Variants in NOL10 observed in about 807,000 individuals in gnomAD.
NOL10 encodes the protein H_NH0074G24.1.
NOL10 carries 58 observed loss-of-function variants against 103.5 expected under a neutral mutation model. The observed-to-expected ratio is 0.56, with a 90% confidence interval of 0.45 to 0.70. NOL10 has a LOEUF of 0.70. NOL10 is among the 30% of genes least tolerant of loss of function. NOL10 has a pLI of 0.00. For synonymous variants in NOL10, 287 were observed against 282.5 expected (o/e 1.02, Z -0.16); for missense variants, 763 against 807.3 (o/e 0.95, Z 0.67).
At chr2:10,616,598 GA>G (rs1676848819) in intron 13 of NOL10, among the ~76,000 whole-genome samples, 1 of 151,282 alleles carries the variant, frequency 6.6e-6, no homozygotes. Context: ...ACCCAGACTA[GA>G]GTGCAGTGGT....
intron 17 of NOL10, among the ~76,000 whole-genome samples, chr2:10,598,928 T>C (rs909081894): frequency 6.6e-6 from 1 of 152,372 alleles, no homozygotes; most frequent in Middle Eastern, 3.4e-3. Context: ...TTGTCAAAAA[T>C]GTTTAAAGGC....
intron 13 of NOL10, among the ~76,000 whole-genome samples, chr2:10,622,765 A>G (rs1282146085): frequency 6.6e-6 from 1 of 152,154 alleles, no homozygotes. Flanking sequence ...CTAACTCATA[A>G]CCTTTGACCT....
intron 13 of NOL10, among the ~76,000 whole-genome samples, chr2:10,643,998 C>T (rs1678889563): frequency 6.6e-6 from 1 of 152,114 alleles, no homozygotes; most frequent in East Asian, 1.9e-4. Flanking sequence ...ACCTGTAATC[C>T]CAGCACTTTG....
rs1055810491 is a variant in NOL10, at chr2:10,682,602, G to T, written c.113-533C>A. On this transcript the variant is annotated intron_variant, in intron 2 of 20. Coordinates refer to ENST00000381685, the MANE Select transcript of NOL10 (RefSeq NM_024894.4). ...TTTTGTAGAGATGGGGTTTCGCCAC[G>T]TTGCCCAGGCTGGTCTCAAACTTCT... 3.6e-4 allele frequency among the ~76,000 whole-genome samples: 54 copies of T among 151,812 alleles called. 1 individual carries two copies. The highest frequency in any genetic ancestry group is 1.3e-3 in the African/African-American group (53 of 41,310).
chr2:10,618,369 G>T (rs1269988743), intron 13 of NOL10, among the ~76,000 whole-genome samples: 1 of 152,094 alleles, frequency 6.6e-6, no homozygotes, highest in Non-Finnish European at 1.5e-5. Context: ...CTCTTAGAAA[G>T]AGCCCTGATT....
At position 10,654,527 on chromosome 2, in the gene NOL10, C is replaced by T. The variant is rs1172973828; in HGVS notation, c.927G>A (p.Leu309=). 6.3e-7 allele frequency: 1 copy of T among 1,597,422 alleles called. No homozygotes were observed. Among genetic ancestry groups the T allele is most frequent in the Non-Finnish European group, 8.5e-7 (1 of 1,175,258 alleles). Residue 309 remains leucine (L), a synonymous_variant, in exon 12 of 21, where the codon TTG becomes TTA. Transcript: ENST00000381685. ...NKNSGKIFTS[L]EPEHDLNDVC... is the part of the protein sequence containing the mutation. ...CATCATTAAGGTCATGCTCTGGCTC[C>T]AAGGAAGTAAATATTTTTCCCTAAA...
At chr2:10,677,322 C>T (rs1407153903) in intron 3 of NOL10, among the ~76,000 whole-genome samples, 1 of 151,840 alleles carries the variant, frequency 6.6e-6, no homozygotes, top group African/African-American at 2.4e-5. Flanking sequence ...ATTTCGGAGA[C>T]TTTCATATTT....
At chr2:10,650,950 G>A (rs1195710823) in intron 12 of NOL10, among the ~76,000 whole-genome samples, 2 of 152,048 alleles carry the variant, frequency 1.3e-5, no homozygotes, top group East Asian at 1.9e-4. Flanking sequence ...CGTCAGTGGT[G>A]GCATTTCAAG....
Position 10,657,655 on chromosome 2 carries a change from C to A in NOL10, c.906+87G>T. The A allele has an allele frequency of 3.4e-6, 4 of 1,166,322 alleles. No individual in the cohort carries two copies. In the South Asian group the frequency reaches 6.9e-5, roughly 20 times the overall value. The allele number at this position is 1,166,322 out of a possible 1,614,324, so 72.2% of individuals were successfully genotyped here. The stretch of plus-strand genomic sequence containing the variant: ...ATATTCAGTATCTCTTTCCCAATAA[C>A]CCACATAAAAAAGGAAAGGGAGAGG... On this transcript the variant is annotated intron_variant, in intron 11 of 20. Coordinates refer to ENST00000381685, the MANE Select transcript of NOL10 (RefSeq NM_024894.4).
At chr2:10,642,424 G>A (rs1678757184) in intron 13 of NOL10, among the ~76,000 whole-genome samples, 1 of 152,174 alleles carries the variant, frequency 6.6e-6, no homozygotes, top group Non-Finnish European at 1.5e-5. Flanking sequence ...CCTGTTTAAT[G>A]CATTCCCCTG....
intron 13 of NOL10, among the ~76,000 whole-genome samples, chr2:10,638,792 C>CTTTTTTTTT (rs575658225): frequency 1.9e-5 from 1 of 52,858 alleles, no homozygotes; most frequent in East Asian, 6.3e-4. Flanking sequence ...CGTGCCTGGC[C>CTTTTTTTTT]TTTTTTTTTT....
chr2:10,638,721 G>C (rs1490737518), intron 13 of NOL10, among the ~76,000 whole-genome samples: 1 of 147,012 alleles, frequency 6.8e-6, no homozygotes, highest in African/African-American at 2.5e-5. Context: ...TTGAACTCCT[G>C]AACTCGTGAT....
Position 10,689,888 on chromosome 2 carries a change from CG to C in NOL10, c.-28del, listed in dbSNP as rs1682513642. ...GCGCCGCACAACACTGTTCAAGTCC[CG>C]GGTCCTTTCCCACCAGCGTGCTCGA... On this transcript the variant is annotated 5_prime_UTR_variant, in exon 1 of 21. Coordinates refer to ENST00000381685, the MANE Select transcript of NOL10 (RefSeq NM_024894.4). The C allele has an allele frequency of 3.1e-6, 5 of 1,589,872 alleles. No homozygotes were observed. Among genetic ancestry groups the C allele is most frequent in the Non-Finnish European group, 4.3e-6 (5 of 1,168,154 alleles).
chr2:10,670,877 A>C (rs1680887709), intron 6 of NOL10, among the ~76,000 whole-genome samples: 1 of 152,272 alleles, frequency 6.6e-6, no homozygotes, highest in South Asian at 2.1e-4. Context: ...TTTTGAAACA[A>C]CTGTTTTTTA....
At chr2:10,599,386 C>T (rs1675860767) in intron 17 of NOL10, among the ~76,000 whole-genome samples, 1 of 152,178 alleles carries the variant, frequency 6.6e-6, no homozygotes, top group African/African-American at 2.4e-5. Context: ...CCTAATCATG[C>T]TTAGGCTTAG....
chr2:10,672,275 C>T (rs1681001204), intron 5 of NOL10, among the ~76,000 whole-genome samples: 1 of 151,894 alleles, frequency 6.6e-6, no homozygotes, highest in Non-Finnish European at 1.5e-5. Flanking sequence ...TGCAGTGAGC[C>T]GAGATTGTGC....
intron 20 of NOL10, 135 bp from the exon 21 acceptor site, chr2:10,572,325 A>G (rs1373579910): frequency 6.3e-6 from 6 of 951,138 alleles, no homozygotes; most frequent in Non-Finnish European, 9.5e-6. Context: ...CACAGGCTCC[A>G]GGGGACATGG....
chr2:10,571,972 TA>T lies in NOL10; in HGVS notation c.*98del. 2 of 1,397,384 alleles carry T rather than the reference TA, an allele frequency of 1.4e-6. No individual in the cohort carries two copies. The highest frequency in any genetic ancestry group is 2.0e-6 in the Non-Finnish European group (2 of 1,010,300). 86.6% of individuals were successfully genotyped at this position (1,397,384 alleles called of 1,614,324 possible). A position where few individuals can be genotyped will look rare whatever the true frequency, so the allele number is the denominator to read the frequency against. On this transcript the variant is annotated 3_prime_UTR_variant, in exon 21 of 21. Coordinates refer to ENST00000381685, the MANE Select transcript of NOL10 (RefSeq NM_024894.4). ...TGTGTACAAGAACGTACATGAACTT[TA>T]AAAACGTGTGTTTCCTCGTCTGTGT...
chr2:10,672,608 T>C (rs1165221794), intron 5 of NOL10, among the ~76,000 whole-genome samples: 1 of 152,248 alleles, frequency 6.6e-6, no homozygotes, highest in African/African-American at 2.4e-5. Flanking sequence ...TTCAATTTTC[T>C]TTCAAGATGC....
Sources: gnomAD v4.1 joint callset for allele counts (sites outside exome capture counted in the v4.1 genomes callset) on GRCh38, gnomAD v4.1.1 for gene constraint, MANE v1.5 for transcripts, NCBI Gene and HGNC (gene_info 2026-07-23, HGNC 2026-07-21) for gene names.